The following ORC5 variants were observed in gnomAD, a reference collection of about 807,000 sequenced individuals.
ORC5 encodes the protein origin recognition complex subunit 5.
A neutral mutation model predicts 58.8 loss-of-function variants in ORC5; 39 were observed. The ratio of observed to expected loss-of-function variants is 0.66; its 90% CI spans 0.51 to 0.87. The LOEUF is 0.87. ORC5 is among the 40% of genes least tolerant of loss of function. The probability of loss-of-function intolerance (pLI) is 0.00; values close to 1 mark genes in which losing one functional copy is unlikely to be tolerated. For missense variants in ORC5, 493 were observed against 506.3 expected (o/e 0.97, Z 0.25); for synonymous variants, 218 against 177.6 (o/e 1.23, Z -1.81).
At chr7:104,197,857 T>C in intron 3 of ORC5, 58 bp from the exon 4 acceptor site, 1 of 1,047,992 alleles carries the variant, frequency 9.5e-7, no homozygotes, top group South Asian at 1.6e-5. Flanking sequence ...CTTTACAAAA[T>C]GACATGATTT....
chr7:104,184,375 G>T, intron 6 of ORC5: 1 of 557,322 alleles, frequency 1.8e-6, no homozygotes, highest in Admixed American at 3.4e-5. Context: ...TTGAGCCCAG[G>T]AGATCAAGCC....
rs1562800490 is a variant in ORC5, at chr7:104,129,602, T to TA, written c.1263-2710dup. Among the ~76,000 whole-genome samples the TA allele has an allele frequency of 6.6e-6, 1 of 152,202 alleles. No individual in the cohort carries two copies. Among genetic ancestry groups the TA allele is most frequent in the African/African-American group, 2.4e-5 (1 of 41,462 alleles). Reference sequence around the variant, plus strand: ...AAAACTATGCCACACATCCGAAAGATAATTTTGTGCTTTAAAGTACTTGAA... The same window carrying TA: ...AAAACTATGCCACACATCCGAAAGATAAATTTTGTGCTTTAAAGTACTTGAA... On this transcript the variant is annotated intron_variant, in intron 13 of 13. Transcript: ENST00000297431. The surrounding 1 kb of genome is among the most constrained non-coding windows in gnomAD (Gnocchi z 4.9).
chr7:104,151,588 T>C (rs895017376), intron 12 of ORC5, among the ~76,000 whole-genome samples: 4 of 152,326 alleles, frequency 2.6e-5, no homozygotes, highest in Middle Eastern at 3.4e-3. Context: ...AATTAATAAA[T>C]GATTAGTTTT....
Position 104,188,172 on chromosome 7 carries a change from A to G in ORC5, c.684+79T>C, listed in dbSNP as rs1799589756. The G allele has an allele frequency of 7.6e-6, 8 of 1,052,782 alleles. No individual in the cohort carries two copies. The South Asian group carries it at 1.8e-4, about 23-fold the overall frequency. 65.2% of individuals were successfully genotyped at this position (1,052,782 alleles called of 1,614,324 possible). A position where few individuals can be genotyped will look rare whatever the true frequency, so the allele number is the denominator to read the frequency against. ...CCATTTCTACATGGAAAACATTAAA[A>G]TACATATATACACATATATGTATAC... On this transcript the variant is annotated intron_variant, in intron 6 of 13. Coordinates refer to ENST00000297431, the MANE Select transcript of ORC5 (RefSeq NM_002553.4).
intron 11 of ORC5, among the ~76,000 whole-genome samples, chr7:104,163,153 G>A (rs1414630801): frequency 6.6e-6 from 1 of 152,120 alleles, no homozygotes; most frequent in Non-Finnish European, 1.5e-5. Context: ...TAGGATTGCT[G>A]GATTAAAGCA....
At chr7:104,132,260 T>C (rs1184439885) in intron 13 of ORC5, among the ~76,000 whole-genome samples, 1 of 152,186 alleles carries the variant, frequency 6.6e-6, no homozygotes, top group Admixed American at 6.5e-5. Context: ...TTCTTGTATA[T>C]GCAACTTTAT....
At position 104,154,294 on chromosome 7, in the gene ORC5, A is replaced by C. The variant is rs550012450; in HGVS notation, c.1149+6778T>G. Reference sequence around the variant, plus strand: ...AATCATTGCTTCAAACACTAAGTTCAAGGCATGTCAGAAGGAAATATTCAA... The same window carrying C: ...AATCATTGCTTCAAACACTAAGTTCCAGGCATGTCAGAAGGAAATATTCAA... On this transcript the variant is annotated intron_variant, in intron 12 of 13. Coordinates refer to ENST00000297431, the MANE Select transcript of ORC5 (RefSeq NM_002553.4). Among the ~76,000 whole-genome samples, 5 of 152,198 alleles carry C rather than the reference A, an allele frequency of 3.3e-5. No homozygotes were observed. In the East Asian group the frequency reaches 7.7e-4, roughly 23 times the overall value.
intron 5 of ORC5, among the ~76,000 whole-genome samples, chr7:104,194,099 C>CT (rs34994380): frequency 0.041 from 5,503 of 132,980 alleles, 269 homozygotes; most frequent in African/African-American, 0.13. Context: ...GGTACAGAGC[C>CT]TTTTTTTTTT....
In ORC5 at chr7:104,126,851, C is replaced by A; in HGVS notation, c.1305G>T (p.Leu435Phe). The change falls in exon 14 of 14, where the codon TTG becomes TTT. Residue 435 changes from leucine to phenylalanine, a missense_variant. Transcript: ENST00000297431. The stretch of plus-strand genomic sequence containing the variant: ...CATATGGCTTTGAAGCTTGTTTTCA[C>A]AAGAAATCATACAAGTATTTTATTA... ...FDIIKYLYDF[L>F] is the part of the protein sequence containing the mutation. 6.2e-7 allele frequency: 1 copy of A among 1,605,356 alleles called. No homozygotes were observed. Among genetic ancestry groups the A allele is most frequent in the Non-Finnish European group, 8.5e-7 (1 of 1,174,332 alleles).
rs1334169498 is a variant in ORC5 at position 104,207,968 on chromosome 7, C to A, written c.-64G>T. The A allele has an allele frequency of 4.1e-6, 6 of 1,475,686 alleles. No individual in the cohort carries two copies. The East Asian group carries it at 9.2e-5, about 23-fold the overall frequency. 91.4% of individuals were successfully genotyped at this position (1,475,686 alleles called of 1,614,324 possible). ...CACAGGACCCTTGCACAAGACGGAG[C>A]CTCTCCCGAGTCTGGCGGCCCACGC... On this transcript the variant is annotated 5_prime_UTR_variant, in exon 1 of 14. Coordinates refer to ENST00000297431, the MANE Select transcript of ORC5 (RefSeq NM_002553.4).
chr7:104,163,250 TA>T (rs1458483518), intron 11 of ORC5, among the ~76,000 whole-genome samples: 1 of 152,164 alleles, frequency 6.6e-6, no homozygotes, highest in Non-Finnish European at 1.5e-5. Context: ...CTCCTGCAGT[TA>T]GATAGAGGTC....
intron 11 of ORC5, 60 bp from the exon 12 acceptor site, chr7:104,161,242 T>A: frequency 1.1e-6 from 1 of 905,254 alleles, no homozygotes; most frequent in Non-Finnish European, 1.8e-6. Context: ...TCACTTTCTG[T>A]ACTACAAAAC....
intron 9 of ORC5, among the ~76,000 whole-genome samples, chr7:104,167,708 A>G (rs192711178): frequency 1.3e-5 from 2 of 152,230 alleles, no homozygotes; most frequent in Admixed American, 1.3e-4. Context: ...CTTAAGCATC[A>G]CTTTGAATCT....
At position 104,133,087 on chromosome 7, in the gene ORC5, ATTTGGGC is replaced by A. The variant is rs1360079999; in HGVS notation, c.1262+3687_1262+3693del. ...GCTAGGCACAGGTAGGGGCCAGATC[ATTTGGGC>A]CTTGTTAGTTATTTAAAAGATTCTG... is the stretch of plus-strand genomic sequence containing the variant. On this transcript the variant is annotated intron_variant, in intron 13 of 13. Coordinates refer to ENST00000297431, the MANE Select transcript of ORC5 (RefSeq NM_002553.4). This position sits in a 1 kb window ranked among gnomAD's most constrained non-coding sequence, Gnocchi z 4.7. 5.3e-5 allele frequency among the ~76,000 whole-genome samples: 8 copies of A among 152,150 alleles called. No individual in the cohort carries two copies. Among genetic ancestry groups the A allele is most frequent in the African/African-American group, 1.9e-4 (8 of 41,416 alleles).
intron 12 of ORC5, among the ~76,000 whole-genome samples, chr7:104,149,396 T>C (rs1038942422): frequency 3.9e-5 from 6 of 152,176 alleles, no homozygotes; most frequent in African/African-American, 1.2e-4. Flanking sequence ...ATATACTGCT[T>C]TCCACAGCTG....
chr7:104,151,199 A>G (rs1456631475), intron 12 of ORC5, among the ~76,000 whole-genome samples: 1 of 152,180 alleles, frequency 6.6e-6, no homozygotes, highest in Non-Finnish European at 1.5e-5. Context: ...TAAATAATGT[A>G]ACTCATCAAA....
At chr7:104,194,629 T>G (rs1799754731) in intron 5 of ORC5, among the ~76,000 whole-genome samples, 1 of 152,032 alleles carries the variant, frequency 6.6e-6, no homozygotes, top group South Asian at 2.1e-4. Flanking sequence ...ATTTATAAAA[T>G]CAAAAGATAT....
chr7:104,188,285 G>C lies in ORC5; in HGVS notation c.650C>G (p.Thr217Ser). 1 of 1,612,978 alleles carries C rather than the reference G, an allele frequency of 6.2e-7. No individual in the cohort carries two copies. Among genetic ancestry groups the C allele is most frequent in the South Asian group, 1.1e-5 (1 of 91,046 alleles). ...GAGCTCTTTCAAATCTCGACAAACAGTGTAGAAAACTCCAAGAAGAATGTT... is the reference window on the plus strand; with the variant it reads ...GAGCTCTTTCAAATCTCGACAAACACTGTAGAAAACTCCAAGAAGAATGTT... ...YINILLGVFYTVCRDLKELRH... is the reference protein window; with the variant it reads ...YINILLGVFYSVCRDLKELRH... Residue 217 changes from threonine (T) to serine (S), a missense_variant, in exon 6 of 14, where the codon ACT becomes AGT. Around this residue, in one of 3 missense-constraint regions of ORC5, gnomAD observed 412 missense variants for 403.7 expected, o/e 1.02. Coordinates refer to ENST00000297431, the MANE Select transcript of ORC5 (RefSeq NM_002553.4).
At chr7:104,193,884 G>T (rs978218955) in intron 5 of ORC5, among the ~76,000 whole-genome samples, 1 of 151,436 alleles carries the variant, frequency 6.6e-6, no homozygotes, top group Non-Finnish European at 1.5e-5. Flanking sequence ...CATCTATGCT[G>T]CTTTGTATCT....
Sources: allele counts gnomAD v4.1 joint callset (sites outside exome capture counted in the v4.1 genomes callset), GRCh38; gene constraint gnomAD v4.1.1; regional missense constraint gnomAD v4.1.1; non-coding constraint Gnocchi (gnomAD v3.1); transcripts MANE v1.5; gene names NCBI Gene and HGNC (gene_info 2026-07-23, HGNC 2026-07-21).